Variants in CPVL observed in about 807,000 individuals in gnomAD.
The protein encoded by CPVL is probable serine carboxypeptidase CPVL.
CPVL carries 51 observed loss-of-function variants against 63.7 expected under a neutral mutation model. That is an observed-to-expected ratio of 0.80 (90% CI 0.64 to 1.01). CPVL has a LOEUF of 1.01. Ranked by LOEUF, CPVL falls within the 50% of genes least tolerant of loss-of-function variation. CPVL has a pLI of 0.00. For missense variants in CPVL, 530 were observed against 573.1 expected (o/e 0.92, Z 0.77); for synonymous variants, 195 against 206.0 (o/e 0.95, Z 0.46).
intron 5 of CPVL, 82 bp from the exon 6 acceptor site, chr7:29,092,784 GTGACCTTGT>G (rs1584239650): frequency 2.0e-6 from 2 of 996,116 alleles, no homozygotes; most frequent in East Asian, 4.9e-5. Context: ...ACACTGGAAG[GTGACCTTGT>G]TCCAAAGGCC....
intron 12 of CPVL, among the ~76,000 whole-genome samples, chr7:29,021,971 C>T (rs1459488406): frequency 1.3e-5 from 2 of 152,176 alleles, no homozygotes; most frequent in Non-Finnish European, 2.9e-5. Context: ...ATGTCTTACG[C>T]CCCAAGGAAT....
At chr7:29,127,604 T>C (rs1280765522) in intron 1 of CPVL, 1 of 152,136 alleles carries the variant, frequency 6.6e-6, no homozygotes, top group Non-Finnish European at 1.5e-5. Flanking sequence ...CAGCAGGAAA[T>C]TGAAAAAACA....
chr7:29,095,155 A>T lies in CPVL; in HGVS notation c.404-13T>A. On this transcript the variant is annotated splice_polypyrimidine_tract_variant and intron_variant, in intron 4 of 12. Transcript: ENST00000265394. ...TCTCTGTCACGCACTGTGAAAACAA[A>T]GAAGAGGGGTGAGATAGAGTCGTGG... The T allele has an allele frequency of 6.2e-7, 1 of 1,612,108 alleles. No homozygotes were observed. Among genetic ancestry groups the T allele is most frequent in the South Asian group, 1.1e-5 (1 of 91,036 alleles).
chr7:29,017,409 G>A (rs1054258047), intron 12 of CPVL, among the ~76,000 whole-genome samples: 4 of 152,186 alleles, frequency 2.6e-5, no homozygotes, highest in Non-Finnish European at 4.4e-5. Flanking sequence ...CGAGGCAGGC[G>A]GATCACTTGA....
At chr7:29,020,652 T>C (rs891613983) in intron 12 of CPVL, among the ~76,000 whole-genome samples, 2 of 150,582 alleles carry the variant, frequency 1.3e-5, no homozygotes, top group African/African-American at 4.9e-5. Context: ...AAATAAAGGC[T>C]AAAAATTCAT....
chr7:29,106,176 G>C (rs547783482), intron 3 of CPVL, among the ~76,000 whole-genome samples: 262 of 152,286 alleles, frequency 1.7e-3, no homozygotes, highest in African/African-American at 5.8e-3. Flanking sequence ...CTGGGAGCCT[G>C]CTTGCCTGAA....
intron 12 of CPVL, among the ~76,000 whole-genome samples, chr7:29,005,496 A>G (rs1785101734): frequency 6.6e-6 from 1 of 152,188 alleles, no homozygotes; most frequent in African/African-American, 2.4e-5. Flanking sequence ...AAATTAATGA[A>G]GCAGCTTGAA....
At chr7:29,080,658 T>C (rs66582159) in intron 7 of CPVL, among the ~76,000 whole-genome samples, 15,981 of 151,928 alleles carry the variant, frequency 0.11, 1,052 homozygotes, top group Middle Eastern at 0.15. Flanking sequence ...CATTCTATAA[T>C]ATTCATTAAG....
At chr7:29,166,589 G>A (rs929011613) in intron 5 of CPVL, among the ~76,000 whole-genome samples, 1 of 152,038 alleles carries the variant, frequency 6.6e-6, no homozygotes, top group Non-Finnish European at 1.5e-5. Context: ...AGTGATCTCT[G>A]GCAGGTGGTT....
chr7:29,087,007 A>G (rs1420959288), intron 6 of CPVL, among the ~76,000 whole-genome samples: 1 of 152,184 alleles, frequency 6.6e-6, no homozygotes, highest in Non-Finnish European at 1.5e-5. Flanking sequence ...ACATTTTAAT[A>G]ACCAAAGAAC....
intron 3 of CPVL, among the ~76,000 whole-genome samples, chr7:29,107,255 G>T (rs937782084): frequency 4.6e-5 from 7 of 152,238 alleles, no homozygotes; most frequent in African/African-American, 1.7e-4. Flanking sequence ...TATGGGAGGG[G>T]ACTGCCCAAG....
intron 12 of CPVL, among the ~76,000 whole-genome samples, chr7:29,004,041 G>C (rs1032113341): frequency 2.0e-5 from 3 of 152,102 alleles, no homozygotes; most frequent in African/African-American, 7.2e-5. Flanking sequence ...TTTTATATCT[G>C]GACAATGGTA....
intron 11 of CPVL, among the ~76,000 whole-genome samples, chr7:29,034,233 T>C (rs946353526): frequency 1.3e-5 from 2 of 152,050 alleles, no homozygotes; most frequent in African/African-American, 2.4e-5. Context: ...GCCTCCCGAG[T>C]AGCTGGGACT....
intron 12 of CPVL, among the ~76,000 whole-genome samples, chr7:29,002,890 A>C (rs554365577): frequency 3.8e-4 from 58 of 151,256 alleles, no homozygotes; most frequent in East Asian, 1.9e-3. Context: ...AAGAAGAAGA[A>C]GACGACATGA....
Position 29,141,878 on chromosome 7 carries a change from G to A in CPVL, c.-11+4551C>T, listed in dbSNP as rs188618218. 4.4e-3 allele frequency among the ~76,000 whole-genome samples: 664 copies of A among 151,704 alleles called. 7 individuals carry two copies. Among genetic ancestry groups the A allele is most frequent in the African/African-American group, 0.015 (623 of 41,332 alleles). ...TGCAGTGAGCTGAGATTGTGCCACC[G>A]CACTCCAGCCTAGGCAACAGAGTGA... is the stretch of plus-strand genomic sequence containing the variant. On this transcript the variant is annotated intron_variant, in intron 1 of 12. Transcript: ENST00000265394.
chr7:29,026,573 A>T (rs1387268717), intron 12 of CPVL, among the ~76,000 whole-genome samples: 1 of 152,056 alleles, frequency 6.6e-6, no homozygotes. Flanking sequence ...AAAGATAAAT[A>T]AAATCAATAA....
chr7:29,171,289 C>T (rs1206373815), intron 5 of CPVL, among the ~76,000 whole-genome samples: 1 of 152,192 alleles, frequency 6.6e-6, no homozygotes, highest in Non-Finnish European at 1.5e-5. Context: ...CTCTTTGGAA[C>T]ACCCAGGGGA....
chr7:29,021,001 C>A (rs1786911029), intron 12 of CPVL, among the ~76,000 whole-genome samples: 1 of 151,962 alleles, frequency 6.6e-6, no homozygotes, highest in Non-Finnish European at 1.5e-5. Flanking sequence ...CAAGGTGAAA[C>A]CCTGTATCTA....
At chr7:28,995,969 T>A in intron 12 of CPVL, 87 bp from the exon 13 acceptor site, 1 of 754,340 alleles carries the variant, frequency 1.3e-6, no homozygotes, top group Non-Finnish European at 2.1e-6. Flanking sequence ...TAAACTCTAT[T>A]TAAAACTCAC....
Sources: allele counts gnomAD v4.1 joint callset (sites outside exome capture counted in the v4.1 genomes callset), GRCh38; gene constraint gnomAD v4.1.1; transcripts MANE v1.5; gene names NCBI Gene and HGNC (gene_info 2026-07-23, HGNC 2026-07-21).